Variants in ABCA13 observed in about 807,000 individuals in gnomAD.
ABCA13 encodes ATP-binding cassette sub-family A member 13.
A neutral mutation model predicts 478.7 loss-of-function variants in ABCA13; 476 were observed. That is an observed-to-expected ratio of 0.99 (90% CI 0.92 to 1.07). The LOEUF (loss-of-function observed/expected upper bound fraction) is 1.07. Ranked by LOEUF, ABCA13 falls within the 50% of genes least tolerant of loss-of-function variation. The probability of loss-of-function intolerance (pLI) is 0.00; values close to 1 mark genes in which losing one functional copy is unlikely to be tolerated. For synonymous variants in ABCA13, 2,252 were observed against 2,158.9 expected (o/e 1.04, Z -1.20); for missense variants, 6,060 against 5,910.6 (o/e 1.03, Z -0.83).
intron 1 of ABCA13, among the ~76,000 whole-genome samples, chr7:48,186,750 G>T (rs1377700212): frequency 6.6e-6 from 1 of 151,746 alleles, no homozygotes; most frequent in Admixed American, 6.6e-5. Context: ...TCAGCTCTTT[G>T]TTGATTTATT....
At position 48,317,178 on chromosome 7, in the gene ABCA13, A is replaced by C. The variant is rs1802719682; in HGVS notation, c.9881A>C (p.Tyr3294Ser). 2 of 1,612,386 alleles carry C rather than the reference A, an allele frequency of 1.2e-6. No individual in the cohort carries two copies. Among genetic ancestry groups the C allele is most frequent in the South Asian group, 2.2e-5 (2 of 90,482 alleles). The change falls in exon 27 of 62, where the codon TAT (tyrosine) becomes TCT (serine). Residue 3294 changes from tyrosine (Y) to serine (S), a missense_variant. Tyr to Ser is a moderately radical substitution (Grantham distance 144). This residue lies in a region of ABCA13 where 4,423 missense variants were observed against 4,309.1 expected (regional missense o/e 1.03). Coordinates refer to ENST00000435803, the MANE Select transcript of ABCA13 (RefSeq NM_152701.5). ...ACAGCACCGTTTTGCTTGAAGCTTT[A>C]TCAGGAAATTCTACAATTGCCAAAT... ...EDSTPFCLKL[Y>S]QEILQLPNGA...
intron 55 of ABCA13, among the ~76,000 whole-genome samples, chr7:48,579,211 G>GA (rs36001719): frequency 0.061 from 9,236 of 152,160 alleles, 351 homozygotes; most frequent in African/African-American, 0.11. Flanking sequence ...CATAGACTGG[G>GA]AAAAAATTTT....
chr7:48,360,076 A>G (rs1810577464), intron 31 of ABCA13, among the ~76,000 whole-genome samples: 1 of 151,908 alleles, frequency 6.6e-6, no homozygotes, highest in East Asian at 1.9e-4. Flanking sequence ...GTTCCAGGGT[A>G]CATGTGCACA....
chr7:48,590,628 C>T (rs967169205), intron 57 of ABCA13, among the ~76,000 whole-genome samples: 4 of 152,056 alleles, frequency 2.6e-5, no homozygotes, highest in Admixed American at 6.6e-5. Context: ...CACTTTTCTC[C>T]GAATCCTTGC....
intron 35 of ABCA13, among the ~76,000 whole-genome samples, chr7:48,379,655 A>T (rs949728359): frequency 6.6e-6 from 1 of 152,226 alleles, no homozygotes; most frequent in African/African-American, 2.4e-5. Flanking sequence ...ATGCATAAGT[A>T]AAGAGAAATG....
intron 55 of ABCA13, among the ~76,000 whole-genome samples, chr7:48,537,384 C>G (rs2131100550): frequency 6.6e-6 from 1 of 152,276 alleles, no homozygotes; most frequent in East Asian, 1.9e-4. Context: ...GTTAGAAATA[C>G]ATTTTCAGTG....
In ABCA13 at chr7:48,414,584, T is replaced by C. The variant is rs1340191214; in HGVS notation, c.12459+2001T>C. On this transcript the variant is annotated intron_variant, in intron 41 of 61. Transcript: ENST00000435803. ...TATACATATGTATACATATGTAACATATAATATACATACATATACATATAT... is the reference window on the plus strand; with the variant it reads ...TATACATATGTATACATATGTAACACATAATATACATACATATACATATAT... Among the ~76,000 whole-genome samples, 5 of 150,108 alleles carry C rather than the reference T, an allele frequency of 3.3e-5. No homozygotes were observed. The Admixed American group carries it at 3.3e-4, about 10-fold the overall frequency.
chr7:48,519,230 T>C (rs1197913058), intron 52 of ABCA13, among the ~76,000 whole-genome samples: 1 of 152,210 alleles, frequency 6.6e-6, no homozygotes, highest in African/African-American at 2.4e-5. Flanking sequence ...TGATTCCACG[T>C]CTTTGCTATT....
intron 51 of ABCA13, 73 bp from the exon 52 acceptor site, chr7:48,516,652 A>G: frequency 1.4e-6 from 2 of 1,472,204 alleles, no homozygotes; most frequent in Non-Finnish European, 1.9e-6. Flanking sequence ...AGGTCTTAGA[A>G]TGTATCTGCC....
chr7:48,469,812 C>T (rs767222925), intron 44 of ABCA13, among the ~76,000 whole-genome samples: 2 of 151,776 alleles, frequency 1.3e-5, no homozygotes, highest in African/African-American at 2.4e-5. Context: ...CCCAGCTACT[C>T]GGGAGGCTGA....
At chr7:48,553,112 A>G (rs1785481353) in intron 55 of ABCA13, among the ~76,000 whole-genome samples, 1 of 152,070 alleles carries the variant, frequency 6.6e-6, no homozygotes, top group Non-Finnish European at 1.5e-5. Flanking sequence ...TAACACAATG[A>G]CCACCAGTTC....
Position 48,317,236 on chromosome 7 carries a change from A to G in ABCA13, c.9939A>G (p.Ile3313Met), listed in dbSNP as rs1247455380. The G allele has an allele frequency of 1.9e-6, 3 of 1,613,596 alleles. No individual in the cohort carries two copies. Among genetic ancestry groups the G allele is most frequent in the Non-Finnish European group, 2.5e-6 (3 of 1,179,844 alleles). ...TGGTGTGGACCTTCCTAAAACCCAT[A>G]TTGCATGGAAAAATACTATACACAC... Reference protein sequence around the residue: ...GALVWTFLKPILHGKILYTPN... With the variant: ...GALVWTFLKPMLHGKILYTPN... Residue 3313 changes from isoleucine (I) to methionine (M), a missense_variant, in exon 27 of 62, where the codon ATA (isoleucine) becomes ATG (methionine). Transcript: ENST00000435803.
intron 11 of ABCA13, among the ~76,000 whole-genome samples, 156 bp downstream of exon 11, chr7:48,244,859 G>A (rs1320806919): frequency 6.6e-6 from 1 of 152,168 alleles, no homozygotes; most frequent in Non-Finnish European, 1.5e-5. Context: ...ATGCCTTCTA[G>A]GGGATTTAAA....
chr7:48,598,162 T>A (rs1219014400), intron 58 of ABCA13, among the ~76,000 whole-genome samples: 1 of 152,210 alleles, frequency 6.6e-6, no homozygotes, highest in East Asian at 1.9e-4. Flanking sequence ...TAGTTTTACC[T>A]TTTCCACAAT....
intron 55 of ABCA13, among the ~76,000 whole-genome samples, chr7:48,531,272 G>T (rs1833212868): frequency 6.6e-6 from 1 of 151,794 alleles, no homozygotes; most frequent in Admixed American, 6.6e-5. Flanking sequence ...ATGTTTTTTT[G>T]TTTGCTTTGT....
chr7:48,309,888 G>A, intron 23 of ABCA13, 59 bp from the exon 24 acceptor site: 1 of 1,587,682 alleles, frequency 6.3e-7, no homozygotes, highest in South Asian at 1.1e-5. Context: ...CCGGTCTGAG[G>A]TGGTGAAGCA....
chr7:48,393,877 C>T (rs1158207371), intron 38 of ABCA13, among the ~76,000 whole-genome samples: 1 of 152,202 alleles, frequency 6.6e-6, no homozygotes. Flanking sequence ...TTGCAGGTCA[C>T]CCCTGCATCA....
chr7:48,305,073 G>A (rs1204131867), intron 23 of ABCA13, among the ~76,000 whole-genome samples: 4 of 152,200 alleles, frequency 2.6e-5, no homozygotes, highest in Non-Finnish European at 4.4e-5. Context: ...TGACTGATAG[G>A]CTTCTTAGTA....
intron 16 of ABCA13, among the ~76,000 whole-genome samples, chr7:48,271,088 A>G (rs1226833926): frequency 6.6e-6 from 1 of 152,180 alleles, no homozygotes; most frequent in Non-Finnish European, 1.5e-5. Flanking sequence ...GTATCATGCT[A>G]CATTTCTAAA....
Sources: allele counts gnomAD v4.1 joint callset (sites outside exome capture counted in the v4.1 genomes callset), GRCh38; gene constraint gnomAD v4.1.1; regional missense constraint gnomAD v4.1.1; transcripts MANE v1.5; gene names NCBI Gene and HGNC (gene_info 2026-07-23, HGNC 2026-07-21).